Variants in UTRN observed in about 807,000 individuals in gnomAD.
UTRN encodes the protein dystrophin-related protein 1.
UTRN carries 283 observed loss-of-function variants against 463.9 expected under a neutral mutation model. That is an observed-to-expected ratio of 0.61 (90% CI 0.55 to 0.67). The LOEUF (loss-of-function observed/expected upper bound fraction) is 0.67, where lower values mean the gene tolerates loss of function less well. UTRN is among the 30% of genes least tolerant of loss of function. The pLI, the probability that UTRN is intolerant of heterozygous loss-of-function variation, is 0.00. For synonymous variants in UTRN, 1,442 were observed against 1,431.5 expected (o/e 1.01, Z -0.17); for missense variants, 3,922 against 4,084.3 (o/e 0.96, Z 1.08).
At chr6:144,301,157 T>TA (rs1805211393) in intron 2 of UTRN, among the ~76,000 whole-genome samples, 1 of 152,156 alleles carries the variant, frequency 6.6e-6, no homozygotes, top group African/African-American at 2.4e-5. Flanking sequence ...TTAGCAAATA[T>TA]AAAAAGGTTT....
At chr6:144,604,782 G>A (rs1342866225) in intron 51 of UTRN, among the ~76,000 whole-genome samples, 1 of 152,046 alleles carries the variant, frequency 6.6e-6, no homozygotes, top group African/African-American at 2.4e-5. Context: ...GGGCATGGTG[G>A]CAGGCATCTG....
At chr6:144,583,112 T>G (rs754937698) in intron 51 of UTRN, 1 of 173,252 alleles carries the variant, frequency 5.8e-6, no homozygotes. Flanking sequence ...TCCCAGGGGA[T>G]GTCCGCTTTC....
chr6:144,291,466 T>C (rs914251635), intron 1 of UTRN, among the ~76,000 whole-genome samples: 2 of 152,234 alleles, frequency 1.3e-5, no homozygotes, highest in Non-Finnish European at 2.9e-5. Flanking sequence ...CTGTGTGCTC[T>C]TAATACTCTG....
chr6:144,288,172 A>G lies in UTRN; in HGVS notation c.-93+2351A>G, dbSNP rs568777188. Among the ~76,000 whole-genome samples, 4 of 152,100 alleles carry G rather than the reference A, an allele frequency of 2.6e-5. 1 individual carries two copies. In the South Asian group the frequency reaches 6.2e-4, roughly 24 times the overall value. Reference sequence around the variant, plus strand: ...CCTTCTGTTATTCTTCTTTCTCCCCATTTTCCTCTGTACTCTGATCACCTT... The same window carrying G: ...CCTTCTGTTATTCTTCTTTCTCCCCGTTTTCCTCTGTACTCTGATCACCTT... On this transcript the variant is annotated intron_variant, in intron 1 of 74. Transcript: ENST00000367545.
At chr6:144,473,132 A>C (rs976498809) in intron 23 of UTRN, among the ~76,000 whole-genome samples, 9 of 152,122 alleles carry the variant, frequency 5.9e-5, no homozygotes, top group Non-Finnish European at 1.0e-4. Context: ...TCTCTTTGCA[A>C]AATGTTTGCT....
chr6:144,645,060 C>A (rs1012045633), intron 51 of UTRN, among the ~76,000 whole-genome samples: 3 of 152,166 alleles, frequency 2.0e-5, no homozygotes, highest in Non-Finnish European at 2.9e-5. Flanking sequence ...TTGCATGCAC[C>A]TGTGGTGGGC....
chr6:144,330,046 G>A (rs1011290059), intron 2 of UTRN, among the ~76,000 whole-genome samples: 79 of 152,216 alleles, frequency 5.2e-4, no homozygotes, highest in African/African-American at 1.9e-3. Flanking sequence ...ATTCTGCAGT[G>A]CTGTCATGGC....
chr6:144,562,167 G>A (rs1799985602), intron 50 of UTRN, among the ~76,000 whole-genome samples: 1 of 152,020 alleles, frequency 6.6e-6, no homozygotes, highest in Admixed American at 6.6e-5. Context: ...AAAAGATACG[G>A]AATTTAAAAA....
intron 26 of UTRN, among the ~76,000 whole-genome samples, chr6:144,481,436 T>G (rs538361267): frequency 4.6e-5 from 7 of 152,368 alleles, no homozygotes; most frequent in African/African-American, 1.7e-4. Flanking sequence ...TGCTATTAAT[T>G]AGCAGAAGGA....
At chr6:144,849,469 A>T (rs1782300901) in intron 74 of UTRN, among the ~76,000 whole-genome samples, 1 of 152,152 alleles carries the variant, frequency 6.6e-6, no homozygotes, top group South Asian at 2.1e-4. Flanking sequence ...CTCTGTTTCT[A>T]GATTTTAGAA....
At chr6:144,303,717 A>G (rs1338777050) in intron 2 of UTRN, among the ~76,000 whole-genome samples, 2 of 152,244 alleles carry the variant, frequency 1.3e-5, no homozygotes, top group Non-Finnish European at 2.9e-5. Flanking sequence ...GCAGTATACT[A>G]TTAACAGTTC....
At chr6:144,383,301 C>T (rs7765364) in intron 2 of UTRN, among the ~76,000 whole-genome samples, 9,550 of 152,242 alleles carry the variant, frequency 0.063, 358 homozygotes, top group African/African-American at 0.11. Context: ...ACCAGAAATA[C>T]TCCTGAATTT....
At chr6:144,497,811 A>G (rs1242362639) in intron 33 of UTRN, among the ~76,000 whole-genome samples, 1 of 152,200 alleles carries the variant, frequency 6.6e-6, no homozygotes, top group Non-Finnish European at 1.5e-5. Flanking sequence ...TCTGGAGAAT[A>G]TATCTGGACT....
chr6:144,426,676 A>T (rs911752285), intron 7 of UTRN, among the ~76,000 whole-genome samples: 20 of 152,248 alleles, frequency 1.3e-4, no homozygotes, highest in African/African-American at 4.6e-4. Flanking sequence ...TACAAGGTCC[A>T]TAGTTTCTCC....
intron 2 of UTRN, among the ~76,000 whole-genome samples, chr6:144,342,097 C>T (rs188149592): frequency 6.2e-4 from 94 of 152,110 alleles, no homozygotes; most frequent in African/African-American, 2.2e-3. Flanking sequence ...AGATGGGTTT[C>T]GATAGCCATT....
At chr6:144,565,153 A>G (rs796147999) in intron 50 of UTRN, among the ~76,000 whole-genome samples, 16 of 152,294 alleles carry the variant, frequency 1.1e-4, no homozygotes, top group African/African-American at 3.6e-4. Context: ...ATTTTGGTGG[A>G]TTAGATATAT....
At chr6:144,517,735 C>T (rs893503245) in intron 39 of UTRN, among the ~76,000 whole-genome samples, 1 of 152,140 alleles carries the variant, frequency 6.6e-6, no homozygotes, top group Admixed American at 6.6e-5. Flanking sequence ...AGTACAATAA[C>T]GTGCTGTAAA....
chr6:144,778,779 G>A (rs1418597368), intron 60 of UTRN, among the ~76,000 whole-genome samples: 2 of 151,806 alleles, frequency 1.3e-5, no homozygotes, highest in Non-Finnish European at 2.9e-5. Context: ...CTTGTATGTG[G>A]GATTAAAGAA....
At chr6:144,460,001 A>ATTT (rs11355493) in intron 21 of UTRN, among the ~76,000 whole-genome samples, 2 of 132,858 alleles carry the variant, frequency 1.5e-5, no homozygotes, top group South Asian at 2.4e-4. Context: ...ATTTTTAAAG[A>ATTT]TTTTTTTTTT....
Sources: gnomAD v4.1 joint callset for allele counts (sites outside exome capture counted in the v4.1 genomes callset) on GRCh38, gnomAD v4.1.1 for gene constraint, MANE v1.5 for transcripts, NCBI Gene and HGNC (gene_info 2026-07-23, HGNC 2026-07-21) for gene names.